ANXA8: variants seen among roughly 807,000 people sequenced by gnomAD.
ANXA8 encodes VAC-beta.
In ANXA8, 9 loss-of-function variants were observed where a neutral mutation model predicts 26.8. The ratio of observed to expected loss-of-function variants is 0.34; its 90% CI spans 0.20 to 0.59. The LOEUF is 0.59. Ranked by LOEUF, ANXA8 falls within the 20% of genes least tolerant of loss-of-function variation. ANXA8 has a pLI of 0.84. For missense variants in ANXA8, 83 were observed against 238.5 expected, an observed-to-expected ratio of 0.35 and a Z score of 4.29; for synonymous variants, 39 against 94.8, an observed-to-expected ratio of 0.41 and a Z score of 3.42.
chr10:47,490,506 C>G, the ANXA8 span: 1 of 152,902 alleles, frequency 6.5e-6, no homozygotes, highest in African/African-American at 2.4e-5. Flanking sequence ...AACAAAGAAA[C>G]AGGTGGTGAG....
chr10:47,699,167 C>G, the ANXA8 span, among the ~76,000 whole-genome samples: 1 of 150,134 alleles, frequency 6.7e-6, no homozygotes, highest in African/African-American at 2.5e-5. Context: ...GCCAACATAG[C>G]AAAACCCTGT....
the ANXA8 span, among the ~76,000 whole-genome samples, chr10:47,947,548 G>T: frequency 1.3e-5 from 2 of 150,460 alleles, no homozygotes; most frequent in Non-Finnish European, 2.9e-5. Flanking sequence ...GAGGCCTGGG[G>T]GGAGATGATT....
chr10:47,952,476 G>C, the ANXA8 span, among the ~76,000 whole-genome samples: 1 of 149,802 alleles, frequency 6.7e-6, no homozygotes, highest in Non-Finnish European at 1.5e-5. Context: ...TGGCAATTTG[G>C]AAGATTAAAT....
the ANXA8 span, among the ~76,000 whole-genome samples, chr10:47,513,312 T>G: frequency 1.4e-5 from 2 of 142,208 alleles, no homozygotes; most frequent in African/African-American, 5.1e-5. Context: ...GGATTACAGG[T>G]GTGAGCCACC....
the ANXA8 span, among the ~76,000 whole-genome samples, chr10:47,975,481 TTC>T: frequency 2.0e-5 from 3 of 147,134 alleles, no homozygotes; most frequent in Admixed American, 6.9e-5. Context: ...CTGTATTGTG[TTC>T]TGGTCATGGC....
the ANXA8 span, among the ~76,000 whole-genome samples, chr10:47,765,782 TCCAGGCTCCCCTCCCATTCTCATCCCCCC>T: frequency 6.7e-6 from 1 of 150,202 alleles, no homozygotes; most frequent in Non-Finnish European, 1.5e-5. Flanking sequence ...GCTGTTGTCT[TCCAGGCTCCCCTCCCATTCTCATCCCCCC>T]CACCACCCAT....
chr10:47,692,846 T>G, the ANXA8 span: 1 of 149,508 alleles, frequency 6.7e-6, no homozygotes, highest in Admixed American at 6.7e-5. Context: ...GTGATTCTCC[T>G]GCCTCAGCCT....
chr10:47,702,270 TG>T, the ANXA8 span, among the ~76,000 whole-genome samples: 1 of 151,328 alleles, frequency 6.6e-6, no homozygotes, highest in Admixed American at 6.6e-5. Flanking sequence ...ACAGCACAGA[TG>T]CAGTTACTCC....
At chr10:47,938,844 T>C in the ANXA8 span, among the ~76,000 whole-genome samples, 1 of 148,548 alleles carries the variant, frequency 6.7e-6, no homozygotes, top group South Asian at 2.1e-4. Context: ...CCATAAGTAA[T>C]GACATCACGG....
At chr10:47,666,439 G>A in the ANXA8 span, among the ~76,000 whole-genome samples, 1 of 151,506 alleles carries the variant, frequency 6.6e-6, no homozygotes, top group Non-Finnish European at 1.5e-5. Context: ...ACAGTCCTAA[G>A]AGAGGAATGC....
the ANXA8 span, among the ~76,000 whole-genome samples, chr10:47,733,253 T>C: frequency 3.6e-3 from 363 of 101,596 alleles, 3 homozygotes; most frequent in Admixed American, 5.0e-3. Context: ...CTTTCTTTCT[T>C]TCTTTCTTTC....
the ANXA8 span, among the ~76,000 whole-genome samples, chr10:47,677,007 A>G: frequency 5.5e-5 from 6 of 108,166 alleles, no homozygotes; most frequent in South Asian, 1.2e-3. Flanking sequence ...AAAAAAAAAA[A>G]CAACCTGTTA....
the ANXA8 span, among the ~76,000 whole-genome samples, chr10:47,701,890 A>T: frequency 2.0e-5 from 3 of 151,650 alleles, no homozygotes; most frequent in African/African-American, 7.3e-5. Flanking sequence ...TGGGGAAGAA[A>T]AGAACAAACC....
chr10:47,967,236 C>G, the ANXA8 span, among the ~76,000 whole-genome samples: 1 of 150,580 alleles, frequency 6.6e-6, no homozygotes, highest in Middle Eastern at 3.2e-3. Flanking sequence ...GTAAACATTT[C>G]CATTTTTAGT....
At chr10:47,650,884 A>C in the ANXA8 span, among the ~76,000 whole-genome samples, 1 of 150,542 alleles carries the variant, frequency 6.6e-6, no homozygotes, top group African/African-American at 2.5e-5. Flanking sequence ...AAACACATGA[A>C]ATACACACAT....
the ANXA8 span, among the ~76,000 whole-genome samples, chr10:47,675,677 T>C: frequency 6.6e-6 from 1 of 151,654 alleles, no homozygotes; most frequent in Non-Finnish European, 1.5e-5. Flanking sequence ...TAATAAGTAA[T>C]CTATTTTTAT....
chr10:47,751,318 T>C, the ANXA8 span: 1 of 109,106 alleles, frequency 9.2e-6, no homozygotes, highest in Non-Finnish European at 1.8e-5. Flanking sequence ...TAGACAAGAT[T>C]ATGTCATGTG....
the ANXA8 span, among the ~76,000 whole-genome samples, chr10:47,495,491 G>A: frequency 6.8e-6 from 1 of 147,986 alleles, no homozygotes; most frequent in Non-Finnish European, 1.5e-5. Context: ...TCACCATGTT[G>A]AACAGGCTGG....
At chr10:47,653,435 G>C in the ANXA8 span, among the ~76,000 whole-genome samples, 1 of 151,386 alleles carries the variant, frequency 6.6e-6, no homozygotes, top group African/African-American at 2.4e-5. Flanking sequence ...TTTGGAGATA[G>C]TTTGATATGA....
Sources: gnomAD v4.1 joint callset for allele counts (sites outside exome capture counted in the v4.1 genomes callset) on GRCh38, gnomAD v4.1.1 for gene constraint, MANE v1.5 for transcripts, NCBI Gene and HGNC (gene_info 2026-07-23, HGNC 2026-07-21) for gene names.